ZBTB20: variants seen among roughly 807,000 people sequenced by gnomAD.
ZBTB20 encodes the protein zinc finger and BTB domain containing 20.
ZBTB20 carries 9 observed loss-of-function variants against 56.9 expected under a neutral mutation model. That is an observed-to-expected ratio of 0.16 (90% CI 0.10 to 0.28). ZBTB20 has a LOEUF of 0.28. Ranked by LOEUF, ZBTB20 falls within the 10% of genes least tolerant of loss-of-function variation. The probability of loss-of-function intolerance (pLI) is 1.00; values close to 1 mark genes in which losing one functional copy is unlikely to be tolerated. For synonymous variants in ZBTB20, 417 were observed against 420.7 expected (o/e 0.99, Z 0.11); for missense variants, 655 against 1,003.0 (o/e 0.65, Z 4.69).
chr3:114,930,876 T>C (rs1360848585), intron 3 of ZBTB20: 2 of 265,020 alleles, frequency 7.5e-6, no homozygotes, highest in Non-Finnish European at 1.5e-5. Flanking sequence ...CAGTAAATGT[T>C]ACAGGCCCCT....
intron 6 of ZBTB20, chr3:114,687,654 C>T (rs1021557357): frequency 1.3e-5 from 2 of 150,858 alleles, no homozygotes; most frequent in African/African-American, 4.9e-5. Context: ...TCATGTTTGC[C>T]TGTCACATAG....
intron 4 of ZBTB20, among the ~76,000 whole-genome samples, chr3:114,841,538 A>C (rs1223293652): frequency 6.6e-6 from 1 of 152,208 alleles, no homozygotes; most frequent in African/African-American, 2.4e-5. Context: ...TGAGAGTAGT[A>C]GTTCTGATAT....
chr3:114,440,750 A>G (rs1381086254), intron 7 of ZBTB20, among the ~76,000 whole-genome samples: 1 of 152,208 alleles, frequency 6.6e-6, no homozygotes, highest in African/African-American at 2.4e-5. Flanking sequence ...GAGCTAGTCC[A>G]AAGGCTCTGA....
chr3:114,729,352 G>T (rs1193665606), intron 5 of ZBTB20, among the ~76,000 whole-genome samples: 2 of 152,170 alleles, frequency 1.3e-5, no homozygotes, highest in African/African-American at 4.8e-5. Flanking sequence ...TCCATTAATT[G>T]TTATGAATTA....
chr3:115,062,314 T>C (rs1368698461), intron 2 of ZBTB20, among the ~76,000 whole-genome samples: 2 of 152,222 alleles, frequency 1.3e-5, no homozygotes, highest in African/African-American at 4.8e-5. Context: ...ACACTATCAA[T>C]GAAAACCTTT....
chr3:114,328,267 T>A lies in ZBTB20; in HGVS notation c.*10738A>T, dbSNP rs570505421. 4.6e-5 allele frequency: 7 copies of A among 152,294 alleles called. No individual in the cohort carries two copies. The highest frequency in any genetic ancestry group is 1.0e-4 in the Non-Finnish European group (7 of 68,012). The allele number at this position is 152,294 out of a possible 1,614,324, so 9.4% of individuals were successfully genotyped here. ...AGGCAATAAATAAAAAAACTCTTCC[T>A]AATTTTTCCTACAATGTGTTCAAGT... On this transcript the variant is annotated 3_prime_UTR_variant, in exon 12 of 12. Coordinates refer to ENST00000675478, the MANE Select transcript of ZBTB20 (RefSeq NM_001348800.3).
At chr3:114,808,290 A>G (rs1321343167) in intron 4 of ZBTB20, among the ~76,000 whole-genome samples, 1 of 152,054 alleles carries the variant, frequency 6.6e-6, no homozygotes, top group African/African-American at 2.4e-5. Flanking sequence ...AATTGAGGTC[A>G]ACCAATGATC....
chr3:115,020,932 G>A (rs1410394179), intron 2 of ZBTB20, among the ~76,000 whole-genome samples: 2 of 150,840 alleles, frequency 1.3e-5, no homozygotes, highest in Admixed American at 1.3e-4. Flanking sequence ...TTATTGCTAT[G>A]GTATAACTTT....
chr3:114,852,926 T>C (rs1231966524), intron 4 of ZBTB20, among the ~76,000 whole-genome samples: 1 of 152,226 alleles, frequency 6.6e-6, no homozygotes, highest in African/African-American at 2.4e-5. Flanking sequence ...TCAAGAGATA[T>C]GGATCTGCTT....
chr3:114,611,840 C>CATTTCTAAAAATA (rs150173572), intron 6 of ZBTB20, among the ~76,000 whole-genome samples: 14,249 of 152,182 alleles, frequency 0.094, 768 homozygotes, highest in African/African-American at 0.14. Context: ...ACTTCTAAAA[C>CATTTCTAAAAATA]ATGCCTTTCA....
intron 2 of ZBTB20, among the ~76,000 whole-genome samples, chr3:115,021,209 T>C (rs1026779816): frequency 1.3e-5 from 2 of 151,046 alleles, no homozygotes; most frequent in African/African-American, 2.4e-5. Flanking sequence ...TCCTGAATAA[T>C]AGCTTGCATG....
Position 115,026,194 on chromosome 3 carries a change from G to A in ZBTB20, c.-507+45025C>T, listed in dbSNP as rs2080415222. Reference sequence around the variant, plus strand: ...AAATAGAGAAAACTGAAGTAAGTTAGGTAAGGTCCATTTTGACTAGGATTA... The same window carrying A: ...AAATAGAGAAAACTGAAGTAAGTTAAGTAAGGTCCATTTTGACTAGGATTA... On this transcript the variant is annotated intron_variant, in intron 2 of 11. Transcript: ENST00000675478. Among the ~76,000 whole-genome samples, 7 of 150,910 alleles carry A rather than the reference G, an allele frequency of 4.6e-5. No individual in the cohort carries two copies. In the Admixed American group the frequency reaches 4.7e-4, roughly 10 times the overall value.
At chr3:114,417,931 T>A (rs929006677) in intron 7 of ZBTB20, among the ~76,000 whole-genome samples, 19 of 152,132 alleles carry the variant, frequency 1.2e-4, no homozygotes, top group Non-Finnish European at 1.8e-4. Context: ...TTGTGTAGTG[T>A]GTGTAGTGAC....
intron 4 of ZBTB20, among the ~76,000 whole-genome samples, chr3:114,883,144 A>G (rs2076460980): frequency 6.6e-6 from 1 of 152,230 alleles, no homozygotes; most frequent in African/African-American, 2.4e-5. Context: ...GAATGGTGGA[A>G]AAATATGTTT....
At chr3:114,914,483 C>T (rs1339025570) in intron 3 of ZBTB20, among the ~76,000 whole-genome samples, 2 of 151,766 alleles carry the variant, frequency 1.3e-5, no homozygotes, top group Non-Finnish European at 3.0e-5. Context: ...GTGAAGTCTT[C>T]AAATATAAGA....
At chr3:114,995,761 T>A (rs1329972907) in intron 2 of ZBTB20, among the ~76,000 whole-genome samples, 1 of 151,848 alleles carries the variant, frequency 6.6e-6, no homozygotes, top group African/African-American at 2.4e-5. Context: ...GCAAGAAATA[T>A]ACTCATTTTC....
intron 7 of ZBTB20, among the ~76,000 whole-genome samples, chr3:114,451,226 C>T (rs552109817): frequency 1.4e-5 from 2 of 143,766 alleles, no homozygotes; most frequent in African/African-American, 2.5e-5. Flanking sequence ...AAAAAATCAA[C>T]GATTAAAAAA....
At chr3:114,460,120 T>C (rs1229564424) in intron 7 of ZBTB20, among the ~76,000 whole-genome samples, 1 of 152,160 alleles carries the variant, frequency 6.6e-6, no homozygotes, top group Non-Finnish European at 1.5e-5. Flanking sequence ...TTCCACACTC[T>C]TCTCACTCAT....
chr3:114,571,511 G>C (rs1156694775), intron 6 of ZBTB20, among the ~76,000 whole-genome samples: 7 of 152,102 alleles, frequency 4.6e-5, no homozygotes, highest in Non-Finnish European at 1.0e-4. Context: ...TCAGCGGGGT[G>C]GGGTGAGGAC....
Sources: gnomAD v4.1 joint callset for allele counts (sites outside exome capture counted in the v4.1 genomes callset) on GRCh38, gnomAD v4.1.1 for gene constraint, MANE v1.5 for transcripts, NCBI Gene and HGNC (gene_info 2026-07-23, HGNC 2026-07-21) for gene names.